Variants in LRBA observed in about 807,000 individuals in gnomAD.
LRBA encodes the protein lipopolysaccharide-responsive and beige-like anchor protein.
In LRBA, 176 loss-of-function variants were observed where a neutral mutation model predicts 330.0. That is an observed-to-expected ratio of 0.53 (90% CI 0.47 to 0.60). The LOEUF (loss-of-function observed/expected upper bound fraction) is 0.60. Ranked by LOEUF, LRBA falls within the 20% of genes least tolerant of loss-of-function variation. The probability of loss-of-function intolerance (pLI) is 0.00; values close to 1 mark genes in which losing one functional copy is unlikely to be tolerated. For synonymous variants in LRBA, 1,230 were observed against 1,193.0 expected (o/e 1.03, Z -0.64); for missense variants, 3,259 against 3,444.8 (o/e 0.95, Z 1.35).
At chr4:150,818,802 C>A (rs1296749151) in intron 30 of LRBA, among the ~76,000 whole-genome samples, 1 of 151,926 alleles carries the variant, frequency 6.6e-6, no homozygotes, top group African/African-American at 2.4e-5. Flanking sequence ...TAAGTAGGGA[C>A]TGAATTGAGC....
intron 42 of LRBA, among the ~76,000 whole-genome samples, chr4:150,486,528 A>G (rs1227328528): frequency 6.6e-6 from 1 of 151,960 alleles, no homozygotes; most frequent in East Asian, 1.9e-4. Context: ...GAATTACTCA[A>G]TTTTGATATA....
At chr4:150,542,713 T>C (rs1765443013) in intron 40 of LRBA, among the ~76,000 whole-genome samples, 1 of 152,172 alleles carries the variant, frequency 6.6e-6, no homozygotes, top group South Asian at 2.1e-4. Context: ...GCTAGCCAGT[T>C]CCTGCTTCCT....
At chr4:150,904,112 T>C (rs1213028980) in intron 13 of LRBA, among the ~76,000 whole-genome samples, 3 of 152,162 alleles carry the variant, frequency 2.0e-5, no homozygotes, top group Non-Finnish European at 4.4e-5. Flanking sequence ...AAAGCAAAGC[T>C]TTTCACATCC....
chr4:150,781,842 C>G (rs529669636), intron 34 of LRBA, among the ~76,000 whole-genome samples: 1 of 152,114 alleles, frequency 6.6e-6, no homozygotes, highest in East Asian at 1.9e-4. Context: ...GGACCTCTAC[C>G]CTCCTTAAGT....
At chr4:150,296,051 G>C (rs1420544286) in intron 53 of LRBA, among the ~76,000 whole-genome samples, 4 of 152,120 alleles carry the variant, frequency 2.6e-5, no homozygotes, top group African/African-American at 4.8e-5. Flanking sequence ...ATTCAGATTT[G>C]TTGCAATGCA....
intron 47 of LRBA, among the ~76,000 whole-genome samples, chr4:150,372,076 T>C (rs1223620840): frequency 1.3e-5 from 2 of 152,188 alleles, no homozygotes; most frequent in Non-Finnish European, 2.9e-5. Context: ...CATGAACCAT[T>C]ATCTCTTATT....
At chr4:150,844,257 TAC>T in intron 27 of LRBA, 50 bp from the exon 28 acceptor site, 1 of 874,852 alleles carries the variant, frequency 1.1e-6, no homozygotes, top group South Asian at 2.1e-5. Context: ...ATATATACAT[TAC>T]ACAGATATTC....
intron 53 of LRBA, among the ~76,000 whole-genome samples, chr4:150,301,956 T>G (rs1176954265): frequency 6.6e-6 from 1 of 152,316 alleles, no homozygotes; most frequent in South Asian, 2.1e-4. Flanking sequence ...TCCTACTTCT[T>G]AATGTGTTTT....
intron 40 of LRBA, among the ~76,000 whole-genome samples, chr4:150,545,307 T>C (rs1765738033): frequency 6.6e-6 from 1 of 152,122 alleles, no homozygotes; most frequent in African/African-American, 2.4e-5. Flanking sequence ...CAAAAGAAGA[T>C]TACAAATCAA....
chr4:150,993,672 T>C (rs1368129485), intron 2 of LRBA, among the ~76,000 whole-genome samples: 3 of 152,152 alleles, frequency 2.0e-5, no homozygotes, highest in African/African-American at 7.2e-5. Flanking sequence ...ATTTCTTACA[T>C]GGTGGTGGCA....
intron 52 of LRBA, among the ~76,000 whole-genome samples, chr4:150,305,342 T>C (rs773536649): frequency 1.6e-4 from 24 of 152,360 alleles, no homozygotes; most frequent in Non-Finnish European, 3.2e-4. Flanking sequence ...AATGTCAGTG[T>C]AAGGAAACAT....
At chr4:150,446,504 T>C (rs1224605270) in intron 44 of LRBA, among the ~76,000 whole-genome samples, 3 of 152,198 alleles carry the variant, frequency 2.0e-5, no homozygotes, top group Non-Finnish European at 2.9e-5. Flanking sequence ...TTATTAGCAA[T>C]GTGAGGACTG....
chr4:150,703,155 C>T (rs931209911), intron 36 of LRBA, among the ~76,000 whole-genome samples: 6 of 152,058 alleles, frequency 3.9e-5, no homozygotes, highest in South Asian at 2.1e-4. Flanking sequence ...TGCGAGACTT[C>T]GTCTCCAAAA....
Position 150,549,497 on chromosome 4 carries a change from A to G in LRBA, c.6330+38551T>C, listed in dbSNP as rs372525174. Among the ~76,000 whole-genome samples the G allele has an allele frequency of 7.9e-5, 12 of 151,832 alleles. No individual in the cohort carries two copies. The East Asian group carries it at 2.3e-3, about 29-fold the overall frequency. On this transcript the variant is annotated intron_variant, in intron 40 of 56. Transcript: ENST00000651943. Reference sequence around the variant, plus strand: ...CAGGTGCCCGTCACCACGCCCGGCTAATTTTTTGTATTTTTAGTAGAGACA... The same window carrying G: ...CAGGTGCCCGTCACCACGCCCGGCTGATTTTTTGTATTTTTAGTAGAGACA...
intron 44 of LRBA, among the ~76,000 whole-genome samples, chr4:150,449,891 G>T (rs894230960): frequency 5.9e-5 from 9 of 152,108 alleles, no homozygotes; most frequent in African/African-American, 2.2e-4. Context: ...AAAGTACAAA[G>T]AACTGATGTG....
chr4:150,613,743 C>T (rs1359634245), intron 37 of LRBA, among the ~76,000 whole-genome samples: 5 of 152,208 alleles, frequency 3.3e-5, no homozygotes, highest in Admixed American at 3.3e-4. Flanking sequence ...GCGGGAGTTG[C>T]AGCTAAGGTC....
chr4:150,611,994 G>A (rs1053114006), intron 37 of LRBA, among the ~76,000 whole-genome samples: 5 of 151,924 alleles, frequency 3.3e-5, no homozygotes, highest in Admixed American at 3.3e-4. Flanking sequence ...CTTCAACATC[G>A]CAGGCTCAGG....
In LRBA at chr4:150,350,069, C is replaced by A. The variant is rs770599747; in HGVS notation, c.7285G>T (p.Ala2429Ser). 1 of 1,613,022 alleles carries A rather than the reference C, an allele frequency of 6.2e-7. No homozygotes were observed. Among genetic ancestry groups the A allele is most frequent in the South Asian group, 1.1e-5 (1 of 90,966 alleles). The change falls in exon 48 of 57, where the codon GCC becomes TCC. Residue 2429 changes from alanine (A) to serine (S), a missense_variant. Coordinates refer to ENST00000651943, the MANE Select transcript of LRBA (RefSeq NM_001364905.1). ...GTCAAGTAATAGAACACATTGAGGG[C>A]TCGGACAGCTTCTGGTCCTTGCTGT... The part of the protein sequence containing the change: ...YKQQGPEAVR[A>S]LNVFYYLTYE...
chr4:150,672,818 G>C (rs889729278), intron 37 of LRBA, among the ~76,000 whole-genome samples: 3 of 152,108 alleles, frequency 2.0e-5, no homozygotes, highest in Admixed American at 6.5e-5. Context: ...TATATACTCA[G>C]TAATTTGCAT....
Sources: allele counts gnomAD v4.1 joint callset (sites outside exome capture counted in the v4.1 genomes callset), GRCh38; gene constraint gnomAD v4.1.1; transcripts MANE v1.5; gene names NCBI Gene and HGNC (gene_info 2026-07-23, HGNC 2026-07-21).